The following PTPRD variants were observed in gnomAD, a reference collection of about 807,000 sequenced individuals.
The protein encoded by PTPRD is protein tyrosine phosphatase receptor type D.
In PTPRD, 34 loss-of-function variants were observed where a neutral mutation model predicts 214.5. The ratio of observed to expected loss-of-function variants is 0.16; its 90% CI spans 0.12 to 0.21. The LOEUF (loss-of-function observed/expected upper bound fraction) is 0.21, where lower values mean the gene tolerates loss of function less well. PTPRD is among the 10% of genes least tolerant of loss of function. The pLI, the probability that PTPRD is intolerant of heterozygous loss-of-function variation, is 1.00. For synonymous variants in PTPRD, 1,128 were observed against 845.7 expected (o/e 1.33, Z -5.79); for missense variants, 2,545 against 2,398.7 (o/e 1.06, Z -1.27).
At chr9:9,942,895 GTTTTTT>G (rs113089194) in intron 4 of PTPRD, among the ~76,000 whole-genome samples, 2 of 120,142 alleles carry the variant, frequency 1.7e-5, no homozygotes, top group Non-Finnish European at 3.3e-5. Flanking sequence ...GCTCTGAGTT[GTTTTTT>G]TTTTTTTTTA....
At position 8,934,432 on chromosome 9, in the gene PTPRD, T is replaced by TAA. The variant is rs2098976552; in HGVS notation, c.-104+84264_-104+84265insTT. ...GTGTGTGTGTGTGTGTATATATATA[T>TAA]ATAAATATATATATAAATTTATATA... is the stretch of plus-strand genomic sequence containing the variant. On this transcript the variant is annotated intron_variant, in intron 11 of 45. Coordinates refer to ENST00000381196, the MANE Select transcript of PTPRD (RefSeq NM_002839.4). Among the ~76,000 whole-genome samples the TAA allele has an allele frequency of 3.9e-5, 2 of 51,730 alleles. 1 individual carries two copies. The highest frequency in any genetic ancestry group is 1.2e-4 in the African/African-American group (2 of 16,644). The allele number at this position is 51,730 out of a possible 152,430, so 33.9% of individuals were successfully genotyped here.
chr9:8,334,603 G>A (rs1397035640), intron 43 of PTPRD, among the ~76,000 whole-genome samples: 3 of 124,324 alleles, frequency 2.4e-5, no homozygotes, highest in South Asian at 4.9e-4. Flanking sequence ...ATCTAAAATC[G>A]ACACCCTAAC....
intron 8 of PTPRD, among the ~76,000 whole-genome samples, chr9:9,434,434 G>A (rs762682108): frequency 2.6e-5 from 4 of 152,120 alleles, no homozygotes; most frequent in African/African-American, 7.2e-5. Flanking sequence ...AAATGGCTAC[G>A]CTGCCCAAAG....
chr9:9,162,931 C>G (rs2099893240), intron 10 of PTPRD, among the ~76,000 whole-genome samples: 1 of 152,108 alleles, frequency 6.6e-6, no homozygotes, highest in African/African-American at 2.4e-5. Context: ...TTCTTGGGAA[C>G]ATTTGATACT....
At chr9:9,418,038 G>A (rs1309112657) in intron 8 of PTPRD, among the ~76,000 whole-genome samples, 1 of 152,148 alleles carries the variant, frequency 6.6e-6, no homozygotes, top group East Asian at 1.9e-4. Flanking sequence ...TTTTCTCTAT[G>A]AAATGTTCTG....
chr9:8,756,897 T>C (rs904756299), intron 11 of PTPRD, among the ~76,000 whole-genome samples: 2 of 152,092 alleles, frequency 1.3e-5, no homozygotes, highest in African/African-American at 4.8e-5. Context: ...TCCCAGCACC[T>C]TGGGAGGCCG....
intron 5 of PTPRD, among the ~76,000 whole-genome samples, chr9:9,894,307 T>G (rs867581711): frequency 1.1e-4 from 17 of 152,160 alleles, no homozygotes; most frequent in Middle Eastern, 3.4e-3. Flanking sequence ...CTCCTCATAC[T>G]TAAAACCTTT....
rs577380800 is a variant in PTPRD, at chr9:8,917,363, C to T, written c.-104+101334G>A. Among the ~76,000 whole-genome samples the T allele has an allele frequency of 1.5e-4, 22 of 151,542 alleles. No individual in the cohort carries two copies. In the South Asian group the frequency reaches 4.4e-3, roughly 30 times the overall value. ...ATTTTGGCCAGGCTGGTCTCCAACT[C>T]CTGACCTCTGGTGATCCACCACCTC... On this transcript the variant is annotated intron_variant, in intron 11 of 45. Coordinates refer to ENST00000381196, the MANE Select transcript of PTPRD (RefSeq NM_002839.4).
At chr9:10,033,055 T>A (rs1015550422) in intron 4 of PTPRD, among the ~76,000 whole-genome samples, 2 of 151,412 alleles carry the variant, frequency 1.3e-5, no homozygotes, top group Non-Finnish European at 3.0e-5. Flanking sequence ...GCAACCTGGA[T>A]GCGATAAATA....
intron 2 of PTPRD, among the ~76,000 whole-genome samples, chr9:10,444,371 T>A (rs562354300): frequency 6.6e-6 from 1 of 151,690 alleles, no homozygotes; most frequent in Non-Finnish European, 1.5e-5. Context: ...AGCTCCATAG[T>A]GGTAAGTAGA....
intron 3 of PTPRD, among the ~76,000 whole-genome samples, chr9:10,098,346 G>C (rs1175373934): frequency 3.4e-5 from 5 of 146,782 alleles, no homozygotes; most frequent in Non-Finnish European, 4.5e-5. Flanking sequence ...ATGGTTGTGG[G>C]GTTGGGGGAG....
intron 3 of PTPRD, among the ~76,000 whole-genome samples, chr9:10,235,159 G>A (rs1281381800): frequency 6.6e-6 from 1 of 151,782 alleles, no homozygotes; most frequent in Non-Finnish European, 1.5e-5. Context: ...TTACTTCAAT[G>A]GTAGAATGTT....
At chr9:10,111,397 C>A (rs1194792955) in intron 3 of PTPRD, among the ~76,000 whole-genome samples, 1 of 149,842 alleles carries the variant, frequency 6.7e-6, no homozygotes, top group East Asian at 1.9e-4. Flanking sequence ...CGCCACTACG[C>A]CCAGCTAATT....
intron 34 of PTPRD, among the ~76,000 whole-genome samples, chr9:8,443,098 T>C (rs754689919): frequency 3.3e-5 from 5 of 152,220 alleles, no homozygotes; most frequent in East Asian, 1.9e-4. Flanking sequence ...TAAGCTATGA[T>C]TGTGCCACTG....
rs796867777 is a variant in PTPRD, at chr9:10,060,803, C to CCTTTCTTTCTTTCTTTCTTT, written c.-544-27033_-544-27014dup. On this transcript the variant is annotated intron_variant, in intron 3 of 45. Coordinates refer to ENST00000381196, the MANE Select transcript of PTPRD (RefSeq NM_002839.4). The stretch of plus-strand genomic sequence containing the variant: ...TTCTTTCTTTCTTTCTTTCTTTCTT[C>CCTTTCTTTCTTTCTTTCTTT]CTTTCTTTCTTTCTTTCTTTCTTTC... Among the ~76,000 whole-genome samples, 3 of 103,232 alleles carry CCTTTCTTTCTTTCTTTCTTT rather than the reference C, an allele frequency of 2.9e-5. 1 individual carries two copies. Among genetic ancestry groups the CCTTTCTTTCTTTCTTTCTTT allele is most frequent in the South Asian group, 2.7e-4 (1 of 3,720 alleles). 67.7% of individuals were successfully genotyped at this position (103,232 alleles called of 152,430 possible).
intron 3 of PTPRD, among the ~76,000 whole-genome samples, chr9:10,154,165 C>G (rs556493143): frequency 2.6e-5 from 4 of 152,252 alleles, no homozygotes; most frequent in Admixed American, 2.0e-4. Context: ...TATAGCCATT[C>G]TGACTGGTGT....
At chr9:8,632,509 G>C (rs1247408087) in intron 14 of PTPRD, among the ~76,000 whole-genome samples, 2 of 151,898 alleles carry the variant, frequency 1.3e-5, no homozygotes, top group Admixed American at 1.3e-4. Flanking sequence ...GTGAGGGAGA[G>C]AAAGAGATAA....
intron 10 of PTPRD, among the ~76,000 whole-genome samples, chr9:9,059,856 G>C (rs953880629): frequency 1.3e-5 from 2 of 151,854 alleles, no homozygotes; most frequent in African/African-American, 2.4e-5. Flanking sequence ...AAAATGTATA[G>C]GACCCCTACA....
At chr9:8,562,625 C>T (rs373500318) in intron 14 of PTPRD, among the ~76,000 whole-genome samples, 48 of 151,968 alleles carry the variant, frequency 3.2e-4, no homozygotes, top group African/African-American at 1.1e-3. Flanking sequence ...TTTGTAGATA[C>T]GGGGTTTCAC....
Sources: gnomAD v4.1 joint callset for allele counts (sites outside exome capture counted in the v4.1 genomes callset) on GRCh38, gnomAD v4.1.1 for gene constraint, MANE v1.5 for transcripts, NCBI Gene and HGNC (gene_info 2026-07-23, HGNC 2026-07-21) for gene names.